Variants in GPHN observed in about 807,000 individuals in gnomAD.
GPHN encodes the protein gephyrin.
Under a neutral mutation model 95.5 loss-of-function variants are expected in GPHN, and 17 were observed. The ratio of observed to expected loss-of-function variants is 0.18; its 90% CI spans 0.12 to 0.27. The LOEUF (loss-of-function observed/expected upper bound fraction) is 0.27. Among genes scored for constraint, GPHN ranks in the 10% least tolerant of loss-of-function variants. The pLI, the probability that GPHN is intolerant of heterozygous loss-of-function variation, is 1.00. For synonymous variants in GPHN, 320 were observed against 322.5 expected (o/e 0.99, Z 0.08); for missense variants, 660 against 978.1 (o/e 0.67, Z 4.34).
At chr14:67,713,631 G>A in the GPHN span, among the ~76,000 whole-genome samples, 3 of 152,170 alleles carry the variant, frequency 2.0e-5, no homozygotes, top group Non-Finnish European at 4.4e-5. Flanking sequence ...TTAACAAAAT[G>A]TAAACCCAGA....
At chr14:67,025,301 G>A (rs992861579) in intron 10 of GPHN, among the ~76,000 whole-genome samples, 42 of 152,192 alleles carry the variant, frequency 2.8e-4, no homozygotes, top group African/African-American at 9.9e-4. Context: ...TAAGGGGTAC[G>A]TTCATAAGGA....
At chr14:67,618,345 G>A in the GPHN span, among the ~76,000 whole-genome samples, 1 of 152,066 alleles carries the variant, frequency 6.6e-6, no homozygotes, top group African/African-American at 2.4e-5. Flanking sequence ...CATAGCAGGT[G>A]CTCAAGAAGC....
chr14:66,717,841 A>G (rs1198942919), intron 2 of GPHN, among the ~76,000 whole-genome samples: 2 of 152,186 alleles, frequency 1.3e-5, no homozygotes, highest in East Asian at 3.9e-4. Flanking sequence ...GTCTGCACAG[A>G]GTCCTGTGAT....
At chr14:67,723,231 G>A in the GPHN span, among the ~76,000 whole-genome samples, 1 of 152,132 alleles carries the variant, frequency 6.6e-6, no homozygotes, top group African/African-American at 2.4e-5. Flanking sequence ...TGTTCTGAGT[G>A]GAGAATTTTT....
chr14:66,784,196 A>G (rs552678030), intron 3 of GPHN, among the ~76,000 whole-genome samples: 1 of 152,310 alleles, frequency 6.6e-6, no homozygotes, highest in East Asian at 1.9e-4. Context: ...CCAAATGAAA[A>G]TTATAGAACT....
intron 8 of GPHN, among the ~76,000 whole-genome samples, chr14:66,932,469 T>TTTTTG (rs2066875973): frequency 7.3e-6 from 1 of 136,488 alleles, no homozygotes; most frequent in Non-Finnish European, 1.6e-5. Flanking sequence ...TTTTTTTTTT[T>TTTTTG]TTTTTTTTTT....
the GPHN span, among the ~76,000 whole-genome samples, chr14:67,289,747 T>C: frequency 6.6e-6 from 1 of 150,672 alleles, no homozygotes; most frequent in Non-Finnish European, 1.5e-5. Context: ...AAAGGCACAT[T>C]GGGAAGATTT....
chr14:67,594,222 A>G, the GPHN span, among the ~76,000 whole-genome samples: 1 of 152,170 alleles, frequency 6.6e-6, no homozygotes, highest in South Asian at 2.1e-4. Flanking sequence ...AGTAGCTTGC[A>G]CCTGTAATTC....
chr14:66,709,274 T>A, intron 2 of GPHN: 1 of 452,856 alleles, frequency 2.2e-6, no homozygotes, highest in South Asian at 1.6e-5. Context: ...GGATTAGAAC[T>A]CTGTATTAGA....
chr14:67,694,891 T>C, the GPHN span, among the ~76,000 whole-genome samples: 1 of 152,130 alleles, frequency 6.6e-6, no homozygotes, highest in South Asian at 2.1e-4. Flanking sequence ...TCACCACTGG[T>C]GATTTACTTA....
At chr14:66,871,485 G>T (rs1404293282) in intron 4 of GPHN, among the ~76,000 whole-genome samples, 1 of 152,060 alleles carries the variant, frequency 6.6e-6, no homozygotes, top group African/African-American at 2.4e-5. Flanking sequence ...TGATGTTTAG[G>T]GCTCTGATTT....
chr14:66,939,051 G>C (rs1054565991), intron 8 of GPHN, among the ~76,000 whole-genome samples: 2 of 152,094 alleles, frequency 1.3e-5, no homozygotes, highest in African/African-American at 4.8e-5. Context: ...ATTCAAAATG[G>C]ATCAGAGACC....
chr14:66,568,115 T>C (rs2060535449), intron 1 of GPHN, among the ~76,000 whole-genome samples: 1 of 152,232 alleles, frequency 6.6e-6, no homozygotes, highest in African/African-American at 2.4e-5. Flanking sequence ...TATTTCACAT[T>C]TTAATTAGAT....
chr14:67,168,201 C>CT (rs2140045172), intron 20 of GPHN, among the ~76,000 whole-genome samples: 1 of 152,348 alleles, frequency 6.6e-6, no homozygotes, highest in East Asian at 1.9e-4. Context: ...AACCTTTTCA[C>CT]TGTGTCTTCA....
At chr14:66,549,393 A>G (rs945242627) in intron 1 of GPHN, among the ~76,000 whole-genome samples, 2 of 152,214 alleles carry the variant, frequency 1.3e-5, no homozygotes, top group Non-Finnish European at 2.9e-5. Context: ...AAGCCACAAC[A>G]TTTTGTTAAG....
At chr14:67,642,412 G>GATTACAT in the GPHN span, 1 of 1,588,858 alleles carries the variant, frequency 6.3e-7, no homozygotes, top group Non-Finnish European at 8.6e-7. Flanking sequence ...ATGGTGCTTG[G>GATTACAT]GGCTCATAAC....
chr14:67,577,071 C>A, the GPHN span, among the ~76,000 whole-genome samples: 2 of 152,202 alleles, frequency 1.3e-5, no homozygotes, highest in African/African-American at 4.8e-5. Context: ...CACAACCTTG[C>A]ACACTCACCC....
At chr14:67,691,034 T>G in the GPHN span, 140 of 767,894 alleles carry the variant, frequency 1.8e-4, 1 homozygote, top group Non-Finnish European at 4.7e-6. Context: ...TGGTCTATTA[T>G]GGTCCTGAGG....
At chr14:67,301,366 T>G in the GPHN span, 4 of 1,563,578 alleles carry the variant, frequency 2.6e-6, no homozygotes, top group Non-Finnish European at 3.5e-6. Flanking sequence ...CTAGGAAGAA[T>G]AATCTTTATT....
Sources: allele counts gnomAD v4.1 joint callset (sites outside exome capture counted in the v4.1 genomes callset), GRCh38; gene constraint gnomAD v4.1.1; transcripts MANE v1.5; gene names NCBI Gene and HGNC (gene_info 2026-07-23, HGNC 2026-07-21).